Variants in CHN2 observed in about 807,000 individuals in gnomAD.
CHN2 encodes chimerin 2, also known as beta-chimaerin.
A neutral mutation model predicts 56.3 loss-of-function variants in CHN2; 35 were observed. That is an observed-to-expected ratio of 0.62 (90% CI 0.47 to 0.82). The LOEUF (loss-of-function observed/expected upper bound fraction) is 0.82, where lower values mean the gene tolerates loss of function less well. CHN2 is among the 40% of genes least tolerant of loss of function. The probability of loss-of-function intolerance (pLI) is 0.00; values close to 1 mark genes in which losing one functional copy is unlikely to be tolerated. For missense variants in CHN2, 491 were observed against 580.5 expected, an observed-to-expected ratio of 0.85 and a Z score of 1.58; for synonymous variants, 210 against 212.8, an observed-to-expected ratio of 0.99 and a Z score of 0.12.
chr7:29,301,887 ACTATCTTC>A (rs1793701006), intron 1 of CHN2, among the ~76,000 whole-genome samples: 1 of 152,180 alleles, frequency 6.6e-6, no homozygotes, highest in African/African-American at 2.4e-5. Context: ...ATATATTTCC[ACTATCTTC>A]ATCGAAGCCA....
intron 1 of CHN2, among the ~76,000 whole-genome samples, chr7:29,313,092 A>C (rs1023773975): frequency 6.6e-6 from 1 of 152,056 alleles, no homozygotes; most frequent in African/African-American, 2.4e-5. Flanking sequence ...TCTTCCAAAC[A>C]TTGTCAGTAT....
At chr7:29,443,283 A>C (rs938432264) in intron 6 of CHN2, among the ~76,000 whole-genome samples, 2 of 152,194 alleles carry the variant, frequency 1.3e-5, no homozygotes, top group Admixed American at 6.5e-5. Flanking sequence ...GAATCAGAGC[A>C]GAGGTCGTCT....
intron 3 of CHN2, 91 bp downstream of exon 3, chr7:29,368,078 A>T: frequency 9.5e-7 from 1 of 1,058,032 alleles, no homozygotes; most frequent in Non-Finnish European, 1.3e-6. Flanking sequence ...GTTTCCTGGG[A>T]GTTGATTTCT....
At chr7:29,471,930 G>A (rs1786085605) in intron 6 of CHN2, among the ~76,000 whole-genome samples, 1 of 152,086 alleles carries the variant, frequency 6.6e-6, no homozygotes, top group Non-Finnish European at 1.5e-5. Flanking sequence ...TTAGTTATAT[G>A]TCTTTGTTGT....
intron 1 of CHN2, among the ~76,000 whole-genome samples, chr7:29,209,340 A>ATTATAGTCTC: frequency 6.6e-6 from 1 of 152,212 alleles, no homozygotes; most frequent in African/African-American, 2.4e-5. Context: ...TCTCATAGTC[A>ATTATAGTCTC]AAAAGCTTAT....
At chr7:29,207,156 A>G (rs1414092089) in intron 1 of CHN2, among the ~76,000 whole-genome samples, 3 of 152,232 alleles carry the variant, frequency 2.0e-5, no homozygotes, top group African/African-American at 7.2e-5. Flanking sequence ...ATAGAAATTG[A>G]TATTGTAAGA....
At chr7:29,246,234 C>G (rs1251414725) in intron 1 of CHN2, among the ~76,000 whole-genome samples, 1 of 152,146 alleles carries the variant, frequency 6.6e-6, no homozygotes, top group Non-Finnish European at 1.5e-5. Context: ...AGAATTACTT[C>G]TTGTCTCAGG....
chr7:29,210,414 GCA>G (rs1447260635), intron 1 of CHN2, among the ~76,000 whole-genome samples: 1 of 150,878 alleles, frequency 6.6e-6, no homozygotes, highest in Admixed American at 6.6e-5. Context: ...ACACACACAG[GCA>G]CACACACACA....
intron 1 of CHN2, among the ~76,000 whole-genome samples, chr7:29,263,238 C>T (rs950454891): frequency 2.0e-5 from 3 of 152,352 alleles, no homozygotes; most frequent in South Asian, 2.1e-4. Flanking sequence ...CCGTGTTGGC[C>T]GGGCTGGTCT....
At chr7:29,488,537 A>G (rs1021463748) in intron 7 of CHN2, among the ~76,000 whole-genome samples, 2 of 152,216 alleles carry the variant, frequency 1.3e-5, no homozygotes, top group African/African-American at 4.8e-5. Flanking sequence ...AAACAAACAA[A>G]CAAACAAACA....
At chr7:29,455,842 G>T (rs961498819) in intron 6 of CHN2, among the ~76,000 whole-genome samples, 1 of 152,166 alleles carries the variant, frequency 6.6e-6, no homozygotes, top group African/African-American at 2.4e-5. Context: ...CTGGCCGTGT[G>T]GTGGCCCAGC....
At chr7:29,311,783 G>T (rs1486597121) in intron 1 of CHN2, among the ~76,000 whole-genome samples, 1 of 152,200 alleles carries the variant, frequency 6.6e-6, no homozygotes, top group East Asian at 1.9e-4. Flanking sequence ...TGATTGAATG[G>T]CTATTTAGGC....
intron 6 of CHN2, among the ~76,000 whole-genome samples, chr7:29,431,409 C>T (rs532366099): frequency 6.6e-6 from 1 of 152,286 alleles, no homozygotes; most frequent in South Asian, 2.1e-4. Context: ...ATGAGATCAG[C>T]TTCTTCCCTC....
At chr7:29,185,905 T>G (rs6962639) in intron 2 of CHN2, among the ~76,000 whole-genome samples, 18,167 of 152,222 alleles carry the variant, frequency 0.12, 1,228 homozygotes, top group East Asian at 0.24. Flanking sequence ...GGTCCCTCCT[T>G]GCAATTAAAT....
At chr7:29,147,028 G>T in intron 2 of CHN2, 1 of 1,545,216 alleles carries the variant, frequency 6.5e-7, no homozygotes. Context: ...GAGTCTCAGA[G>T]CCACCTGATG....
At chr7:29,503,080 T>C (rs1450817325) in intron 9 of CHN2, among the ~76,000 whole-genome samples, 1 of 152,190 alleles carries the variant, frequency 6.6e-6, no homozygotes, top group Non-Finnish European at 1.5e-5. Flanking sequence ...TTGTGTCCCC[T>C]GCCCCACCAA....
In CHN2 at chr7:29,157,735, C is replaced by T. The variant is rs1268771856; in HGVS notation, c.274+10775C>T. Among the ~76,000 whole-genome samples, 10 of 152,226 alleles carry T rather than the reference C, an allele frequency of 6.6e-5. 1 individual carries two copies. In the South Asian group the frequency reaches 1.0e-3, roughly 16 times the overall value. On this transcript the variant is annotated intron_variant, in intron 2 of 6. Transcript: ENST00000439384. ...CTGAACAAGATCTGGTGATAGAAAACATATTTTCAATAACACTAAACTCAT... is the reference window on the plus strand; with the variant it reads ...CTGAACAAGATCTGGTGATAGAAAATATATTTTCAATAACACTAAACTCAT...
rs575688927 is a variant in CHN2, at chr7:29,467,719, C to T, written c.577-12560C>T. The stretch of plus-strand genomic sequence containing the variant: ...GAAGTAGCTTGCTCTGGGTTCAATT[C>T]CTAGTTATTAGCTGTGCAAGCTTGC... On this transcript the variant is annotated intron_variant, in intron 6 of 12. Coordinates refer to ENST00000222792, the MANE Select transcript of CHN2 (RefSeq NM_004067.4). Among the ~76,000 whole-genome samples, 68 of 152,184 alleles carry T rather than the reference C, an allele frequency of 4.5e-4. 1 individual carries two copies. The highest frequency in any genetic ancestry group is 1.6e-3 in the African/African-American group (67 of 41,516).
intron 1 of CHN2, among the ~76,000 whole-genome samples, chr7:29,238,345 TC>T (rs1231546538): frequency 6.6e-6 from 1 of 152,206 alleles, no homozygotes; most frequent in Non-Finnish European, 1.5e-5. Flanking sequence ...AATTAAAACT[TC>T]GGGTCTGTTA....
Sources: gnomAD v4.1 joint callset for allele counts (sites outside exome capture counted in the v4.1 genomes callset) on GRCh38, gnomAD v4.1.1 for gene constraint, MANE v1.5 for transcripts, NCBI Gene and HGNC (gene_info 2026-07-23, HGNC 2026-07-21) for gene names.